Variants in FHIT observed in about 807,000 individuals in gnomAD.
The protein encoded by FHIT is fragile histidine triad diadenosine triphosphatase, also known as bis(5'-adenosyl)-triphosphatase.
A neutral mutation model predicts 17.9 loss-of-function variants in FHIT; 19 were observed. The ratio of observed to expected loss-of-function variants is 1.06; its 90% CI spans 0.74 to 1.56. The LOEUF (loss-of-function observed/expected upper bound fraction) is 1.56, where lower values mean the gene tolerates loss of function less well. FHIT is among the 40% of genes most tolerant of loss of function. The pLI, the probability that FHIT is intolerant of heterozygous loss-of-function variation, is 0.00. For synonymous variants in FHIT, 81 were observed against 69.7 expected (o/e 1.16, Z -0.81); for missense variants, 248 against 189.2 (o/e 1.31, Z -1.82).
At chr3:60,800,781 A>C (rs1322841510) in intron 4 of FHIT, among the ~76,000 whole-genome samples, 2 of 152,188 alleles carry the variant, frequency 1.3e-5, no homozygotes, top group African/African-American at 4.8e-5. Flanking sequence ...AGTATGGAGT[A>C]TGAACAGCAC....
intron 5 of FHIT, among the ~76,000 whole-genome samples, chr3:60,506,110 T>C (rs986544991): frequency 6.6e-6 from 1 of 152,200 alleles, no homozygotes; most frequent in Non-Finnish European, 1.5e-5. Flanking sequence ...TTTAATAGTC[T>C]TTTCCCATGA....
chr3:60,313,840 C>T (rs1709053410), intron 5 of FHIT, among the ~76,000 whole-genome samples: 1 of 152,130 alleles, frequency 6.6e-6, no homozygotes, highest in African/African-American at 2.4e-5. Context: ...TGAGAGATGG[C>T]CCCAGAAAAG....
chr3:60,051,620 C>G (rs7615959), intron 5 of FHIT, among the ~76,000 whole-genome samples: 1 of 152,160 alleles, frequency 6.6e-6, no homozygotes, highest in East Asian at 1.9e-4. Context: ...TTAACTGAAC[C>G]TGGAAATCTG....
intron 1 of FHIT, among the ~76,000 whole-genome samples, chr3:61,241,215 A>T (rs1219306785): frequency 1.3e-5 from 2 of 152,074 alleles, no homozygotes. Flanking sequence ...TCATTCCTAG[A>T]AGAGATTGAA....
intron 8 of FHIT, among the ~76,000 whole-genome samples, chr3:59,817,965 A>G (rs1389905429): frequency 6.6e-6 from 1 of 152,086 alleles, no homozygotes; most frequent in Non-Finnish European, 1.5e-5. Flanking sequence ...GGGAAGAAAG[A>G]GAGGAAGGGA....
At chr3:60,173,882 CTAATATATATATATATATATATA>C (rs1701528031) in intron 5 of FHIT, among the ~76,000 whole-genome samples, 2 of 25,984 alleles carry the variant, frequency 7.7e-5, no homozygotes, top group Non-Finnish European at 1.3e-4. Context: ...CTCCATGTTT[CTAATATATATATATATATATATA>C]TATATATATA....
At chr3:59,944,542 A>G (rs994125216) in intron 7 of FHIT, among the ~76,000 whole-genome samples, 1 of 150,554 alleles carries the variant, frequency 6.6e-6, no homozygotes, top group African/African-American at 2.4e-5. Flanking sequence ...CTTTTATTTT[A>G]GGTTCAAGAG....
chr3:60,728,708 C>T (rs1052414231), intron 4 of FHIT, among the ~76,000 whole-genome samples: 6 of 148,492 alleles, frequency 4.0e-5, no homozygotes, highest in Non-Finnish European at 6.0e-5. Flanking sequence ...CACACATACA[C>T]ACACACACAC....
At chr3:61,088,218 T>C (rs2035365804) in intron 2 of FHIT, among the ~76,000 whole-genome samples, 1 of 152,050 alleles carries the variant, frequency 6.6e-6, no homozygotes, top group Non-Finnish European at 1.5e-5. Context: ...AAGAGTTTTG[T>C]TTTAGAACTG....
chr3:60,500,060 T>C (rs2034461556), intron 5 of FHIT, among the ~76,000 whole-genome samples: 1 of 152,254 alleles, frequency 6.6e-6, no homozygotes, highest in Admixed American at 6.5e-5. Context: ...ACTAATTAAA[T>C]GATAAATTTA....
intron 7 of FHIT, among the ~76,000 whole-genome samples, chr3:59,953,979 T>A (rs1203355085): frequency 6.6e-6 from 1 of 152,202 alleles, no homozygotes; most frequent in Non-Finnish European, 1.5e-5. Flanking sequence ...TTTTCCCTTC[T>A]TTTGTGCCCA....
At chr3:60,961,742 T>C (rs1265064544) in intron 3 of FHIT, among the ~76,000 whole-genome samples, 2 of 152,200 alleles carry the variant, frequency 1.3e-5, no homozygotes, top group African/African-American at 2.4e-5. Context: ...TTGTTGTCGA[T>C]GTGTGGTATT....
intron 4 of FHIT, chr3:60,732,195 A>C: frequency 1.2e-6 from 1 of 812,020 alleles, no homozygotes; most frequent in Non-Finnish European, 2.1e-6. Flanking sequence ...TGGCCTTATC[A>C]TTCCTGGACC....
intron 5 of FHIT, among the ~76,000 whole-genome samples, chr3:60,292,368 C>A (rs1708025137): frequency 1.0e-5 from 1 of 99,960 alleles, no homozygotes; most frequent in Non-Finnish European, 1.8e-5. Flanking sequence ...GTGAGCAAAT[C>A]CTCAACACGT....
intron 5 of FHIT, among the ~76,000 whole-genome samples, chr3:60,524,908 G>A (rs911829866): frequency 6.6e-6 from 1 of 152,152 alleles, no homozygotes; most frequent in Non-Finnish European, 1.5e-5. Context: ...CCATTCACAG[G>A]TTTCAAGGAT....
At chr3:60,299,576 G>C (rs373782654) in intron 5 of FHIT, among the ~76,000 whole-genome samples, 2 of 152,120 alleles carry the variant, frequency 1.3e-5, no homozygotes, top group East Asian at 1.9e-4. Flanking sequence ...ATTACTACTG[G>C]GCAGGGGAGA....
chr3:60,225,297 T>A (rs1704145189), intron 5 of FHIT, among the ~76,000 whole-genome samples: 1 of 152,176 alleles, frequency 6.6e-6, no homozygotes, highest in African/African-American at 2.4e-5. Flanking sequence ...CTGAACTCAA[T>A]ATTCTTTTGA....
chr3:61,015,235 G>A (rs926401601), intron 3 of FHIT, among the ~76,000 whole-genome samples: 3 of 151,762 alleles, frequency 2.0e-5, no homozygotes, highest in Non-Finnish European at 4.4e-5. Context: ...GACTACTCGG[G>A]AAAAAAAATT....
chr3:60,912,696 T>A, intron 3 of FHIT: 1 of 499,194 alleles, frequency 2.0e-6, no homozygotes, highest in Admixed American at 2.1e-5. Context: ...ACCAGAGGAA[T>A]CTATGTAACA....
Sources: gnomAD v4.1 joint callset for allele counts (sites outside exome capture counted in the v4.1 genomes callset) on GRCh38, gnomAD v4.1.1 for gene constraint, MANE v1.5 for transcripts, NCBI Gene and HGNC (gene_info 2026-07-23, HGNC 2026-07-21) for gene names.